The following GDPD4 variants were observed in gnomAD, a reference collection of about 807,000 sequenced individuals.
The protein encoded by GDPD4 is glycerophosphodiester phosphodiesterase domain containing 4.
GDPD4 carries 60 observed loss-of-function variants against 67.8 expected under a neutral mutation model. That is an observed-to-expected ratio of 0.88 (90% CI 0.72 to 1.10). The LOEUF (loss-of-function observed/expected upper bound fraction) is 1.10, where lower values mean the gene tolerates loss of function less well. Among genes scored for constraint, GDPD4 ranks in the 50% least tolerant of loss-of-function variants. GDPD4 has a pLI of 0.00. For missense variants in GDPD4, 623 were observed against 613.9 expected (o/e 1.01, Z -0.16); for synonymous variants, 212 against 210.9 (o/e 1.00, Z -0.04).
chr11:77,284,699 C>T (rs1389769432), intron 3 of GDPD4, among the ~76,000 whole-genome samples: 2 of 152,084 alleles, frequency 1.3e-5, no homozygotes, highest in African/African-American at 2.4e-5. Context: ...GGTATAGGAG[C>T]AGCAGAGAAG....
intron 16 of GDPD4, among the ~76,000 whole-genome samples, chr11:77,227,354 A>G (rs942285244): frequency 1.3e-5 from 2 of 152,166 alleles, no homozygotes; most frequent in African/African-American, 2.4e-5. Flanking sequence ...CCTCCAACAT[A>G]TATCACCCAC....
At chr11:77,289,846 G>T (rs567181160) in intron 1 of GDPD4, among the ~76,000 whole-genome samples, 1 of 144,948 alleles carries the variant, frequency 6.9e-6, no homozygotes, top group Admixed American at 6.9e-5. Context: ...AAGGAAAGGA[G>T]GGAGGGAGAA....
intron 1 of GDPD4, among the ~76,000 whole-genome samples, chr11:77,300,611 A>C (rs1481127386): frequency 6.6e-6 from 1 of 152,182 alleles, no homozygotes; most frequent in Non-Finnish European, 1.5e-5. Context: ...TAGTCTTAAC[A>C]TTTATAGAAC....
intron 1 of GDPD4, among the ~76,000 whole-genome samples, chr11:77,288,594 C>T (rs144908567): frequency 0.013 from 1,959 of 152,138 alleles, 15 homozygotes; most frequent in Middle Eastern, 0.017. Flanking sequence ...CTGCATGAAC[C>T]CAGAATAAAA....
chr11:77,278,339 C>T (rs562320013), intron 4 of GDPD4, among the ~76,000 whole-genome samples: 3 of 152,258 alleles, frequency 2.0e-5, no homozygotes, highest in East Asian at 3.9e-4. Context: ...TTCTGTCTTG[C>T]TTAGTCATGA....
intron 11 of GDPD4, among the ~76,000 whole-genome samples, chr11:77,245,760 T>G (rs927710053): frequency 6.6e-6 from 1 of 152,192 alleles, no homozygotes; most frequent in Non-Finnish European, 1.5e-5. Context: ...ATCCTGACCT[T>G]CCTTTCCAGC....
intron 1 of GDPD4, among the ~76,000 whole-genome samples, chr11:77,292,370 A>G (rs965970174): frequency 3.3e-5 from 5 of 152,164 alleles, no homozygotes; most frequent in African/African-American, 9.6e-5. Flanking sequence ...CTGAGTTAAA[A>G]AAAATCAAAA....
At chr11:77,285,052 T>TA (rs1206015434) in intron 3 of GDPD4, 33 bp downstream of exon 3, 1 of 1,537,390 alleles carries the variant, frequency 6.5e-7, no homozygotes, top group Non-Finnish European at 9.0e-7. Context: ...AAAATACCCT[T>TA]ACACAAATGA....
In GDPD4 at chr11:77,258,367, A is replaced by G; in HGVS notation, c.864+19T>C. On this transcript the variant is annotated intron_variant, in intron 11 of 16. Transcript: ENST00000315938. ...CAAAAATTCAATGCAGGTTTGTGGA[A>G]CTTGGGAATGTGTCTTACCTCTGGT... 6.2e-7 allele frequency: 1 copy of G among 1,612,630 alleles called. No individual in the cohort carries two copies. The highest frequency in any genetic ancestry group is 8.5e-7 in the Non-Finnish European group (1 of 1,178,676).
At chr11:77,232,890 C>A in intron 14 of GDPD4, 135 bp downstream of exon 14, 2 of 670,550 alleles carry the variant, frequency 3.0e-6, no homozygotes, top group East Asian at 2.7e-5. Flanking sequence ...TGGAAAATAC[C>A]ACATCTCCAA....
intron 3 of GDPD4, among the ~76,000 whole-genome samples, chr11:77,284,424 C>T (rs2135887463): frequency 6.6e-6 from 1 of 152,244 alleles, no homozygotes; most frequent in East Asian, 1.9e-4. Flanking sequence ...TTGCATTTTA[C>T]ACATAAAATA....
intron 1 of GDPD4, among the ~76,000 whole-genome samples, chr11:77,292,699 G>C (rs1346852175): frequency 6.6e-6 from 1 of 152,024 alleles, no homozygotes; most frequent in African/African-American, 2.4e-5. Context: ...TTTCCAACCA[G>C]GATCATTAAG....
At chr11:77,252,233 C>A (rs752578106) in intron 11 of GDPD4, among the ~76,000 whole-genome samples, 11 of 151,590 alleles carry the variant, frequency 7.3e-5, no homozygotes, top group Admixed American at 3.9e-4. Flanking sequence ...TGGCTAATTT[C>A]TGTGTTTTTT....
chr11:77,279,063 C>T (rs972528766), intron 4 of GDPD4, among the ~76,000 whole-genome samples: 1 of 152,198 alleles, frequency 6.6e-6, no homozygotes, highest in Admixed American at 6.5e-5. Flanking sequence ...TGTTGTTACA[C>T]TTTCAAAGGG....
chr11:77,268,369 G>A, intron 10 of GDPD4, 88 bp downstream of exon 10: 4 of 852,118 alleles, frequency 4.7e-6, no homozygotes, highest in Non-Finnish European at 7.9e-6. Context: ...AGGGCTTGCT[G>A]TCTCTACAAC....
rs867083198 is a variant in GDPD4 at position 77,252,072 on chromosome 11, T to G, written c.864+6314A>C. Among the ~76,000 whole-genome samples the G allele has an allele frequency of 8.2e-3, 1,218 of 147,908 alleles. 34 individuals carry two copies. Among genetic ancestry groups the G allele is most frequent in the African/African-American group, 0.029 (1,171 of 40,292 alleles). ...TTTGTTTGTTTTTTTTTTGTTTTTT[T>G]TTTTTTTTTGAGACAGAGTCTTGCT... On this transcript the variant is annotated intron_variant, in intron 11 of 16. Transcript: ENST00000315938.
At chr11:77,276,063 A>G in intron 5 of GDPD4, 98 bp downstream of exon 5, 1 of 796,160 alleles carries the variant, frequency 1.3e-6, no homozygotes. Context: ...CAGAGAGGGT[A>G]ACCCCATACA....
intron 10 of GDPD4, among the ~76,000 whole-genome samples, chr11:77,263,316 T>C (rs1466125107): frequency 6.6e-6 from 1 of 152,148 alleles, no homozygotes; most frequent in Non-Finnish European, 1.5e-5. Flanking sequence ...CACCAGGTCA[T>C]ACTATGAGAG....
intron 7 of GDPD4, among the ~76,000 whole-genome samples, chr11:77,270,465 C>G (rs1959206084): frequency 6.6e-6 from 1 of 152,212 alleles, no homozygotes; most frequent in Non-Finnish European, 1.5e-5. Context: ...CGCCTGTAAT[C>G]CCAGCACTTT....
Sources: allele counts gnomAD v4.1 joint callset (sites outside exome capture counted in the v4.1 genomes callset), GRCh38; gene constraint gnomAD v4.1.1; transcripts MANE v1.5; gene names NCBI Gene and HGNC (gene_info 2026-07-23, HGNC 2026-07-21).